LAMB1: variants seen among roughly 807,000 people sequenced by gnomAD.
The protein encoded by LAMB1 is laminin subunit beta-1.
In LAMB1, 121 loss-of-function variants were observed where a neutral mutation model predicts 222.3. The observed-to-expected ratio is 0.54, with a 90% CI of 0.47 to 0.63. The LOEUF (loss-of-function observed/expected upper bound fraction) is 0.63. Ranked by LOEUF, LAMB1 falls within the 30% of genes least tolerant of loss-of-function variation. The pLI, the probability that LAMB1 is intolerant of heterozygous loss-of-function variation, is 0.00. For synonymous variants in LAMB1, 794 were observed against 807.2 expected (o/e 0.98, Z 0.28); for missense variants, 2,172 against 2,240.8 (o/e 0.97, Z 0.62).
intron 13 of LAMB1, among the ~76,000 whole-genome samples, chr7:107,966,712 C>CA (rs148451176): frequency 9.7e-4 from 148 of 152,270 alleles, no homozygotes; most frequent in African/African-American, 3.5e-3. Flanking sequence ...AAACATGAAC[C>CA]ACCAAAGAAG....
intron 27 of LAMB1, among the ~76,000 whole-genome samples, chr7:107,933,862 G>A (rs1178739687): frequency 6.6e-6 from 1 of 152,134 alleles, no homozygotes; most frequent in African/African-American, 2.4e-5. Context: ...GAGGAACCCC[G>A]AACCCCACCC....
chr7:107,983,674 T>C (rs2283048), intron 7 of LAMB1, among the ~76,000 whole-genome samples: 91,114 of 149,692 alleles, frequency 0.61, 28,224 homozygotes, highest in African/African-American at 0.73. Context: ...CGCACCACCA[T>C]ACCTGGCTAA....
rs1208480852 is a variant in LAMB1, at chr7:108,002,901, C to T, written c.-16G>A. 1 of 1,613,792 alleles carries T rather than the reference C, an allele frequency of 6.2e-7. No individual in the cohort carries two copies. Among genetic ancestry groups the T allele is most frequent in the Non-Finnish European group, 8.5e-7 (1 of 1,179,992 alleles). ...GAAGCCCCATGCCGGCTCCCTGCAG[C>T]CACGGGGACGCGGCAGAGGAGTGGA... On this transcript the variant is annotated 5_prime_UTR_variant, in exon 2 of 34. Coordinates refer to ENST00000222399, the MANE Select transcript of LAMB1 (RefSeq NM_002291.3).
intron 24 of LAMB1, among the ~76,000 whole-genome samples, chr7:107,947,919 GGA>G (rs1224133275): frequency 6.6e-6 from 1 of 151,620 alleles, no homozygotes; most frequent in Non-Finnish European, 1.5e-5. Context: ...TGGGCACAAA[GGA>G]GAGACAGTAT....
At position 107,977,712 on chromosome 7, in the gene LAMB1, G is replaced by A. The variant is rs575554773; in HGVS notation, c.1000+335C>T. ...GAGAATCGCTTGAACCTGGGAGGCA[G>A]AGGTTGCAGTGAGCCGCCTGTGCCA... On this transcript the variant is annotated intron_variant, in intron 9 of 33. Transcript: ENST00000222399. Among the ~76,000 whole-genome samples, 9 of 152,284 alleles carry A rather than the reference G, an allele frequency of 5.9e-5. No individual in the cohort carries two copies. The East Asian group carries it at 7.7e-4, about 13-fold the overall frequency.
At chr7:107,959,003 C>T (rs1584506621) in intron 20 of LAMB1, among the ~76,000 whole-genome samples, 1 of 152,188 alleles carries the variant, frequency 6.6e-6, no homozygotes, top group South Asian at 2.1e-4. Context: ...GGTGACTCGC[C>T]AAGAGGACGG....
At position 107,932,249 on chromosome 7, in the gene LAMB1, G is replaced by C; in HGVS notation, c.4317C>G (p.Asn1439Lys). 1 of 1,614,194 alleles carries C rather than the reference G, an allele frequency of 6.2e-7. No individual in the cohort carries two copies. The highest frequency in any genetic ancestry group is 1.1e-5 in the South Asian group (1 of 91,082). ...GCGGLVTVAH[N>K]AWQKAMDLDQ... ...CCAAGTCCATGGCTTTCTGCCAGGC[G>C]TTGTGTGCAACAGTAACCAGACCAC... is the stretch of plus-strand genomic sequence containing the variant. Residue 1439 changes from asparagine to lysine, a missense_variant, in exon 28 of 34, where the codon AAC becomes AAG. By Grantham distance (94) the Asn-to-Lys change is moderately conservative. Transcript: ENST00000222399.
intron 9 of LAMB1, among the ~76,000 whole-genome samples, chr7:107,977,014 TCTCCTTCCTTCCTTTCCTCTCC>T (rs1401805198): frequency 0.24 from 5,802 of 24,038 alleles, 485 homozygotes; most frequent in Admixed American, 0.36. Flanking sequence ...CTTTCCTCTC[TCTCCTTCCTTCCTTTCCTCTCC>T]CTCCTTCCTT....
intron 29 of LAMB1, 174 bp from the exon 30 acceptor site, chr7:107,929,793 C>T (rs889319245): frequency 3.3e-6 from 2 of 610,524 alleles, no homozygotes; most frequent in Admixed American, 5.9e-5. Context: ...GAGATGAGAC[C>T]TACACACACA....
intron 3 of LAMB1, 107 bp downstream of exon 3, chr7:108,001,451 C>A (rs2034381358): frequency 3.1e-6 from 4 of 1,294,282 alleles, no homozygotes; most frequent in South Asian, 3.2e-5. Context: ...GCTGGCTGCG[C>A]TTCCTATCTG....
intron 12 of LAMB1, 64 bp from the exon 13 acceptor site, chr7:107,973,135 C>T: frequency 7.5e-7 from 1 of 1,335,630 alleles, no homozygotes. Context: ...GACTCAGCAA[C>T]AAGCAAGTTA....
chr7:107,967,813 C>T (rs1284131234), intron 13 of LAMB1, among the ~76,000 whole-genome samples: 2 of 151,916 alleles, frequency 1.3e-5, no homozygotes, highest in Non-Finnish European at 2.9e-5. Flanking sequence ...TGGGGATAAA[C>T]AATAAAGAAA....
intron 5 of LAMB1, among the ~76,000 whole-genome samples, chr7:107,988,134 G>A (rs2034114189): frequency 1.3e-5 from 2 of 152,238 alleles, no homozygotes; most frequent in South Asian, 4.1e-4. Context: ...TTTAGTGACA[G>A]AAGACTCTAT....
At chr7:107,982,700 C>T (rs886201503) in intron 7 of LAMB1, among the ~76,000 whole-genome samples, 1 of 152,154 alleles carries the variant, frequency 6.6e-6, no homozygotes, top group Non-Finnish European at 1.5e-5. Context: ...ATGCTCCCCC[C>T]ACTCTCTCCT....
intron 21 of LAMB1, 73 bp from the exon 22 acceptor site, chr7:107,953,827 T>C (rs1296916782): frequency 1.5e-6 from 2 of 1,304,940 alleles, no homozygotes; most frequent in Admixed American, 3.4e-5. Context: ...CCGACACTCA[T>C]GCCTAGAGAG....
Position 107,963,482 on chromosome 7 carries a change from A to G in LAMB1, c.1699-419T>C, listed in dbSNP as rs140215048. On this transcript the variant is annotated intron_variant, in intron 14 of 33. Coordinates refer to ENST00000222399, the MANE Select transcript of LAMB1 (RefSeq NM_002291.3). ...CATACTGGCATTAGTTTCAGGCTCC[A>G]TTTTCAAGTGAAGAAACTTGATATA... Among the ~76,000 whole-genome samples the G allele has an allele frequency of 3.2e-3, 486 of 152,334 alleles. 2 individuals are homozygous for G. Among genetic ancestry groups the G allele is most frequent in the African/African-American group, 0.011 (446 of 41,572 alleles).
chr7:107,976,760 G>A (rs989331173), intron 9 of LAMB1, among the ~76,000 whole-genome samples: 6 of 152,092 alleles, frequency 3.9e-5, no homozygotes, highest in East Asian at 1.9e-4. Flanking sequence ...ACATCCTTGC[G>A]GCCTTGTGCT....
At chr7:107,981,146 T>TA (rs2033964640) in intron 7 of LAMB1, among the ~76,000 whole-genome samples, 2 of 151,966 alleles carry the variant, frequency 1.3e-5, no homozygotes, top group South Asian at 4.1e-4. Context: ...ACCCCATCTC[T>TA]AAAAAAATAC....
chr7:107,973,733 C>CCT (rs751334976), intron 12 of LAMB1, among the ~76,000 whole-genome samples: 5 of 152,134 alleles, frequency 3.3e-5, no homozygotes, highest in Admixed American at 6.6e-5. Flanking sequence ...ACAACCTCCG[C>CCT]CTCCTGGTTT....
Sources: allele counts gnomAD v4.1 joint callset (sites outside exome capture counted in the v4.1 genomes callset), GRCh38; gene constraint gnomAD v4.1.1; transcripts MANE v1.5; gene names NCBI Gene and HGNC (gene_info 2026-07-23, HGNC 2026-07-21).